The following GSE1 variants were observed in gnomAD, a reference collection of about 807,000 sequenced individuals.
The protein encoded by GSE1 is Gse1 coiled-coil protein, also known as genetic suppressor element 1.
In GSE1, 32 loss-of-function variants were observed where a neutral mutation model predicts 112.6. The ratio of observed to expected loss-of-function variants is 0.28; its 90% CI spans 0.21 to 0.38. The LOEUF (loss-of-function observed/expected upper bound fraction) is 0.38. Among genes scored for constraint, GSE1 ranks in the 10% least tolerant of loss-of-function variants. The pLI is 1.00. For synonymous variants in GSE1, 1,115 were observed against 735.6 expected, an observed-to-expected ratio of 1.52 and a Z score of -8.35; for missense variants, 2,348 against 1,699.2, an observed-to-expected ratio of 1.38 and a Z score of -6.71.
intron 1 of GSE1, among the ~76,000 whole-genome samples, chr16:85,567,839 C>T (rs534311145): frequency 2.1e-4 from 32 of 152,344 alleles, no homozygotes; most frequent in Admixed American, 8.5e-4. Context: ...CCTCCTGCCT[C>T]AGCCTCCCAA....
intron 2 of GSE1, among the ~76,000 whole-genome samples, chr16:85,468,910 C>A (rs1444446388): frequency 6.6e-6 from 1 of 152,226 alleles, no homozygotes; most frequent in Non-Finnish European, 1.5e-5. Context: ...GAAATAGTTT[C>A]TTTGCAGGTG....
chr16:85,263,707 G>A (rs1907946904), intron 1 of GSE1, among the ~76,000 whole-genome samples: 1 of 151,986 alleles, frequency 6.6e-6, no homozygotes, highest in Admixed American at 6.6e-5. Flanking sequence ...CAAGTAGCTG[G>A]GATTACAGGT....
intron 1 of GSE1, among the ~76,000 whole-genome samples, chr16:85,218,501 C>T (rs937468258): frequency 2.6e-5 from 4 of 152,334 alleles, no homozygotes; most frequent in Admixed American, 6.5e-5. Context: ...TGAAACGAGA[C>T]GTGCCGCTCG....
At chr16:85,410,467 CT>C (rs66951661) in intron 2 of GSE1, among the ~76,000 whole-genome samples, 5 of 11,090 alleles carry the variant, frequency 4.5e-4, no homozygotes, top group Admixed American at 1.2e-3. Flanking sequence ...CAGGGCCCCC[CT>C]GGATAATGCT....
At chr16:85,625,006 G>A (rs1159516372) in intron 1 of GSE1, among the ~76,000 whole-genome samples, 1 of 152,210 alleles carries the variant, frequency 6.6e-6, no homozygotes, top group Non-Finnish European at 1.5e-5. Flanking sequence ...CCCTGTAAAA[G>A]TTGCCCCCTG....
chr16:85,250,991 G>A (rs1906411004), intron 1 of GSE1, among the ~76,000 whole-genome samples: 2 of 152,230 alleles, frequency 1.3e-5, no homozygotes. Flanking sequence ...ACAAGTCAAG[G>A]CTTCATTCCT....
At position 85,178,583 on chromosome 16, in the gene GSE1, C is replaced by T. The variant is rs531467202; in HGVS notation, c.2283+6776C>T. Among the ~76,000 whole-genome samples, 15 of 152,162 alleles carry T rather than the reference C, an allele frequency of 9.9e-5. No individual in the cohort carries two copies. In the South Asian group the frequency reaches 2.5e-3, roughly 25 times the overall value. ...CAAGTGCAAGGGTGAGAACTGCTGA[C>T]GGACGGCATCGTGGGCACAGCTGAG... On this transcript the variant is annotated intron_variant, in intron 1 of 2. Coordinates refer to the GSE1 transcript ENST00000637419.
intron 1 of GSE1, among the ~76,000 whole-genome samples, chr16:85,334,393 G>C (rs995634664): frequency 2.6e-5 from 4 of 152,248 alleles, no homozygotes; most frequent in Admixed American, 2.6e-4. Context: ...CGCTGGGGTT[G>C]CTGGAGTCAC....
intron 2 of GSE1, among the ~76,000 whole-genome samples, chr16:85,498,829 C>T (rs952729005): frequency 6.6e-6 from 1 of 152,228 alleles, no homozygotes; most frequent in African/African-American, 2.4e-5. Flanking sequence ...GAAGGAACAG[C>T]TGTCTGGCCC....
At chr16:85,288,854 TG>T (rs2045120225) in intron 1 of GSE1, among the ~76,000 whole-genome samples, 1 of 150,972 alleles carries the variant, frequency 6.6e-6, no homozygotes, top group South Asian at 2.1e-4. Flanking sequence ...AGAGAGGGAG[TG>T]GGGGTAAAAT....
intron 1 of GSE1, among the ~76,000 whole-genome samples, chr16:85,174,345 A>T (rs2074417872): frequency 1.3e-5 from 2 of 152,244 alleles, no homozygotes; most frequent in Admixed American, 1.3e-4. Flanking sequence ...CAGAGGTGGC[A>T]GCAATCCAGG....
chr16:85,555,957 T>G, upstream of GSE1: 1 of 983,704 alleles, frequency 1.0e-6, no homozygotes, highest in Non-Finnish European at 1.2e-6. Context: ...CCCCCCTCCT[T>G]TTTTTTATTT....
chr16:85,278,402 G>C (rs1288031870), intron 1 of GSE1, among the ~76,000 whole-genome samples: 1 of 152,166 alleles, frequency 6.6e-6, no homozygotes, highest in African/African-American at 2.4e-5. Flanking sequence ...GTGTTTGCCT[G>C]TTTTTCATTA....
chr16:85,609,357 G>A (rs1040882290), upstream of GSE1, among the ~76,000 whole-genome samples: 2 of 152,122 alleles, frequency 1.3e-5, no homozygotes, highest in South Asian at 2.1e-4. Context: ...CCTCAGTCTC[G>A]CGAGTAGCTG....
In GSE1 at chr16:85,674,994, T is replaced by G. The variant is rs917569545; in HGVS notation, c.*2455T>G. The G allele has an allele frequency of 8.5e-5, 13 of 152,540 alleles. No homozygotes were observed. Among genetic ancestry groups the G allele is most frequent in the Non-Finnish European group, 1.9e-4 (13 of 68,014 alleles). 9.4% of individuals were successfully genotyped at this position (152,540 alleles called of 1,614,324 possible). ...AACTAAGAAAAAGGTAAGAACTGTCTCAAAAACGAAAGCACACCACCCAAG... is the reference window on the plus strand; with the variant it reads ...AACTAAGAAAAAGGTAAGAACTGTCGCAAAAACGAAAGCACACCACCCAAG... On this transcript the variant is annotated 3_prime_UTR_variant, in exon 16 of 16. Transcript: ENST00000253458.
chr16:85,548,545 A>G (rs1362373115), intron 2 of GSE1, among the ~76,000 whole-genome samples: 3 of 152,270 alleles, frequency 2.0e-5, no homozygotes, highest in African/African-American at 7.2e-5. Flanking sequence ...AGAATCTCCA[A>G]TTCCACACGT....
intron 1 of GSE1, among the ~76,000 whole-genome samples, chr16:85,215,624 A>G (rs775234555): frequency 1.3e-5 from 2 of 152,236 alleles, no homozygotes; most frequent in Admixed American, 6.5e-5. Context: ...TGCCTGTTAG[A>G]GAAGTGCCTG....
intron 2 of GSE1, among the ~76,000 whole-genome samples, chr16:85,445,613 G>T (rs1299755704): frequency 2.0e-5 from 3 of 152,252 alleles, no homozygotes; most frequent in Non-Finnish European, 4.4e-5. Flanking sequence ...ACTTTTATTG[G>T]ATTGCAGTTT....
chr16:85,420,971 G>A (rs1465599836), intron 2 of GSE1, among the ~76,000 whole-genome samples: 2 of 152,224 alleles, frequency 1.3e-5, no homozygotes, highest in African/African-American at 4.8e-5. Context: ...CAGCGTCTGC[G>A]CCGCCACCGC....
Sources: allele counts gnomAD v4.1 joint callset (sites outside exome capture counted in the v4.1 genomes callset), GRCh38; gene constraint gnomAD v4.1.1; transcripts MANE v1.5; gene names NCBI Gene and HGNC (gene_info 2026-07-23, HGNC 2026-07-21).